The following PPP2R2B variants were observed in gnomAD, a reference collection of about 807,000 sequenced individuals.
PPP2R2B encodes protein phosphatase 2 regulatory subunit Bbeta, also known as serine/threonine-protein phosphatase 2A 55 kDa regulatory subunit B beta isoform.
Under a neutral mutation model 46.0 loss-of-function variants are expected in PPP2R2B, and 5 were observed. The ratio of observed to expected loss-of-function variants is 0.11; its 90% CI spans 0.06 to 0.23. The LOEUF is 0.23. Ranked by LOEUF, PPP2R2B falls within the 10% of genes least tolerant of loss-of-function variation. The pLI is 1.00. For synonymous variants in PPP2R2B, 215 were observed against 206.7 expected (o/e 1.04, Z -0.34); for missense variants, 367 against 575.0 (o/e 0.64, Z 3.70).
intron 2 of PPP2R2B, among the ~76,000 whole-genome samples, chr5:146,812,407 T>C (rs1435766062): frequency 2.1e-5 from 3 of 141,356 alleles, no homozygotes. Context: ...TTCTCTGAAC[T>C]GAACTAATGA....
At chr5:146,739,824 G>A (rs977733138) in intron 2 of PPP2R2B, among the ~76,000 whole-genome samples, 1 of 152,162 alleles carries the variant, frequency 6.6e-6, no homozygotes, top group African/African-American at 2.4e-5. Context: ...CCAATGCAGT[G>A]TCTGCTACAT....
chr5:146,903,690 G>A (rs1409397752), intron 1 of PPP2R2B, among the ~76,000 whole-genome samples: 1 of 152,100 alleles, frequency 6.6e-6, no homozygotes, highest in East Asian at 1.9e-4. Flanking sequence ...GAGCCACCAT[G>A]CCCAGTCAAA....
intron 1 of PPP2R2B, among the ~76,000 whole-genome samples, chr5:146,930,302 G>C (rs563530598): frequency 6.6e-6 from 1 of 152,310 alleles, no homozygotes; most frequent in South Asian, 2.1e-4. Context: ...TGTCAAGGGA[G>C]GAATAAGCTT....
chr5:146,784,900 C>T (rs533338674), intron 2 of PPP2R2B, among the ~76,000 whole-genome samples: 1 of 152,000 alleles, frequency 6.6e-6, no homozygotes, highest in Non-Finnish European at 1.5e-5. Context: ...AAGTTAGATA[C>T]CAATTTACAA....
At chr5:146,952,246 A>G (rs1751649277) in intron 1 of PPP2R2B, among the ~76,000 whole-genome samples, 2 of 152,020 alleles carry the variant, frequency 1.3e-5, no homozygotes, top group South Asian at 4.1e-4. Context: ...TGTAATGATC[A>G]CTTATTATTA....
intron 4 of PPP2R2B, among the ~76,000 whole-genome samples, chr5:146,694,827 A>G (rs1279161875): frequency 6.6e-6 from 1 of 152,096 alleles, no homozygotes; most frequent in Non-Finnish European, 1.5e-5. Context: ...GTATACAATT[A>G]TGTAACTGTT....
At chr5:146,675,310 C>T (rs1171779858) in intron 5 of PPP2R2B, among the ~76,000 whole-genome samples, 1 of 152,158 alleles carries the variant, frequency 6.6e-6, no homozygotes, top group East Asian at 1.9e-4. Context: ...CTGAGTATTG[C>T]CCAAACAACT....
chr5:146,589,654 C>G lies in PPP2R2B; in HGVS notation c.*293G>C. 2.8e-6 allele frequency: 1 copy of G among 357,628 alleles called. No individual in the cohort carries two copies. The highest frequency in any genetic ancestry group is 4.4e-5 in the South Asian group (1 of 22,916). The allele number at this position is 357,628 out of a possible 1,614,324, so 22.2% of individuals were successfully genotyped here. The stretch of plus-strand genomic sequence containing the variant: ...GACACCTAGGAACAAAACACTGGAC[C>G]CACCAGAGAAAACTGGGCAATAAAA... On this transcript the variant is annotated 3_prime_UTR_variant, in exon 10 of 10. Coordinates refer to ENST00000394411, the MANE Select transcript of PPP2R2B (RefSeq NM_181675.4).
At chr5:146,676,662 G>A (rs892233660) in intron 5 of PPP2R2B, among the ~76,000 whole-genome samples, 5 of 152,092 alleles carry the variant, frequency 3.3e-5, no homozygotes, top group East Asian at 1.9e-4. Flanking sequence ...TTACACTGTC[G>A]GCTTTACATT....
At chr5:146,625,291 A>G (rs890624020) in intron 7 of PPP2R2B, among the ~76,000 whole-genome samples, 4 of 152,214 alleles carry the variant, frequency 2.6e-5, no homozygotes, top group African/African-American at 9.7e-5. Context: ...TAAGTTAAAT[A>G]TAACAAGGTA....
chr5:146,591,522 C>T (rs1770653641), intron 9 of PPP2R2B, among the ~76,000 whole-genome samples: 2 of 152,142 alleles, frequency 1.3e-5, no homozygotes, highest in Middle Eastern at 6.8e-3. Context: ...TGTCACATTG[C>T]TAATTGGTGG....
intron 1 of PPP2R2B, among the ~76,000 whole-genome samples, chr5:147,053,545 A>AACACACACACACAC (rs5872002): frequency 0.016 from 2,400 of 148,616 alleles, 29 homozygotes; most frequent in South Asian, 0.022. Context: ...CAACAATATA[A>AACACACACACACAC]ACACACACAC....
intron 1 of PPP2R2B, among the ~76,000 whole-genome samples, chr5:147,007,772 C>G (rs573818800): frequency 1.3e-5 from 2 of 152,088 alleles, no homozygotes; most frequent in Non-Finnish European, 2.9e-5. Flanking sequence ...ACACTGACTG[C>G]GAGGGTCTGC....
At chr5:146,689,556 GT>G (rs796228778) in intron 5 of PPP2R2B, among the ~76,000 whole-genome samples, 8 of 152,250 alleles carry the variant, frequency 5.3e-5, no homozygotes, top group African/African-American at 1.9e-4. Context: ...ACTCTATGAT[GT>G]TTTCACAACA....
chr5:146,585,334 T>G lies in PPP2R2B; in HGVS notation c.*4613A>C, dbSNP rs322477. On this transcript the variant is annotated 3_prime_UTR_variant, in exon 10 of 10. Transcript: ENST00000394411. ...ATGATGGGGATAGTGGATAAGAACTTTAACTAAAACTGCCTGGCTTTGTCA... is the reference window on the plus strand; with the variant it reads ...ATGATGGGGATAGTGGATAAGAACTGTAACTAAAACTGCCTGGCTTTGTCA... 7,356 of 148,240 alleles carry G rather than the reference T, an allele frequency of 0.05. 565 individuals are homozygous for G. The highest frequency in any genetic ancestry group is 0.16 in the African/African-American group (6,545 of 40,174). 9.2% of individuals were successfully genotyped at this position (148,240 alleles called of 1,614,324 possible). A position where few individuals can be genotyped will look rare whatever the true frequency, so the allele number is the denominator to read the frequency against.
intron 1 of PPP2R2B, among the ~76,000 whole-genome samples, chr5:147,018,036 TGC>T (rs140640188): frequency 0.037 from 583 of 15,604 alleles, 9 homozygotes; most frequent in East Asian, 0.18. Flanking sequence ...CACACATGCA[TGC>T]GCGCGCACAC....
chr5:146,713,753 A>C (rs910993692), intron 2 of PPP2R2B, among the ~76,000 whole-genome samples: 1 of 152,220 alleles, frequency 6.6e-6, no homozygotes, highest in African/African-American at 2.4e-5. Context: ...GGATGATCCC[A>C]AAGTTTTTGG....
intron 1 of PPP2R2B, among the ~76,000 whole-genome samples, chr5:147,014,124 C>A (rs1754877813): frequency 8.0e-6 from 1 of 125,046 alleles, no homozygotes; most frequent in Non-Finnish European, 1.8e-5. Flanking sequence ...AGCCAAAAAA[C>A]ACATGAAAAA....
chr5:146,902,118 T>A (rs769627220), intron 1 of PPP2R2B, among the ~76,000 whole-genome samples: 2 of 152,178 alleles, frequency 1.3e-5, no homozygotes, highest in Admixed American at 6.5e-5. Flanking sequence ...CACACTCCAC[T>A]GGCATCTCAG....
Sources: gnomAD v4.1 joint callset for allele counts (sites outside exome capture counted in the v4.1 genomes callset) on GRCh38, gnomAD v4.1.1 for gene constraint, MANE v1.5 for transcripts, NCBI Gene and HGNC (gene_info 2026-07-23, HGNC 2026-07-21) for gene names.